SNTG1: variants seen among roughly 807,000 people sequenced by gnomAD.
SNTG1 encodes gamma-1-syntrophin.
Under a neutral mutation model 74.7 loss-of-function variants are expected in SNTG1, and 39 were observed. That is an observed-to-expected ratio of 0.52 (90% confidence interval 0.40 to 0.68). The LOEUF (loss-of-function observed/expected upper bound fraction) is 0.68. SNTG1 is among the 30% of genes least tolerant of loss of function. The pLI is 0.00. For missense variants in SNTG1, 685 were observed against 609.5 expected, an observed-to-expected ratio of 1.12 and a Z score of -1.30; for synonymous variants, 254 against 217.1, an observed-to-expected ratio of 1.17 and a Z score of -1.49.
At chr8:50,155,047 A>G (rs1035389440) in intron 1 of SNTG1, among the ~76,000 whole-genome samples, 1 of 152,248 alleles carries the variant, frequency 6.6e-6, no homozygotes, top group African/African-American at 2.4e-5. Flanking sequence ...TAAAAATTCA[A>G]TTGAAATAAT....
intron 13 of SNTG1, among the ~76,000 whole-genome samples, chr8:50,602,351 A>T (rs2094781241): frequency 6.6e-6 from 1 of 152,306 alleles, no homozygotes; most frequent in East Asian, 1.9e-4. Context: ...ATTTTAAACT[A>T]ATGACAACTT....
intron 18 of SNTG1, among the ~76,000 whole-genome samples, chr8:50,774,900 A>G (rs1422988696): frequency 6.6e-6 from 1 of 151,414 alleles, no homozygotes; most frequent in East Asian, 1.9e-4. Context: ...TTAAAATATT[A>G]TTATATCCCT....
intron 18 of SNTG1, among the ~76,000 whole-genome samples, chr8:50,760,495 T>C (rs2095595301): frequency 6.6e-6 from 1 of 152,002 alleles, no homozygotes; most frequent in Admixed American, 6.6e-5. Context: ...ATAGCTCTTA[T>C]TATTTTGAGA....
chr8:50,696,098 T>C (rs1430986829), intron 15 of SNTG1, among the ~76,000 whole-genome samples: 1 of 152,068 alleles, frequency 6.6e-6, no homozygotes, highest in African/African-American at 2.4e-5. Context: ...TGTATAAGCA[T>C]TTCCTTTTCT....
At chr8:50,630,668 C>T (rs530670398) in intron 13 of SNTG1, among the ~76,000 whole-genome samples, 1 of 152,132 alleles carries the variant, frequency 6.6e-6, no homozygotes, top group Non-Finnish European at 1.5e-5. Context: ...TGTCAGTCAC[C>T]TGCACCTAGA....
intron 16 of SNTG1, chr8:50,707,960 T>C: frequency 2.6e-6 from 1 of 384,164 alleles, no homozygotes; most frequent in Non-Finnish European, 4.6e-6. Flanking sequence ...CCCAGCACTT[T>C]GGGAGGCCGA....
intron 2 of SNTG1, among the ~76,000 whole-genome samples, chr8:50,286,118 G>A (rs1586960866): frequency 9.2e-6 from 1 of 108,308 alleles, no homozygotes; most frequent in Non-Finnish European, 2.5e-5. Context: ...TGACCATTCT[G>A]TTCTGTTTTC....
intron 1 of SNTG1, among the ~76,000 whole-genome samples, chr8:50,147,516 A>G (rs2081913499): frequency 6.6e-6 from 1 of 152,202 alleles, no homozygotes; most frequent in Admixed American, 6.5e-5. Context: ...CTAGGGTTTG[A>G]CAAATAAGTA....
chr8:50,103,141 T>G (rs1414717773), intron 1 of SNTG1, among the ~76,000 whole-genome samples: 1 of 152,196 alleles, frequency 6.6e-6, no homozygotes, highest in Admixed American at 6.5e-5. Context: ...ATCTATAAAT[T>G]ACCTTGGGCC....
intron 15 of SNTG1, among the ~76,000 whole-genome samples, chr8:50,668,331 C>A (rs140742104): frequency 5.0e-4 from 76 of 151,650 alleles, no homozygotes; most frequent in African/African-American, 1.8e-3. Context: ...TTAATTAATT[C>A]TCATGTTTCA....
intron 17 of SNTG1, among the ~76,000 whole-genome samples, chr8:50,714,672 C>T (rs576808515): frequency 1.3e-5 from 2 of 152,056 alleles, no homozygotes; most frequent in East Asian, 3.9e-4. Context: ...AGAGTGTAAC[C>T]TGAGAACAAA....
intron 12 of SNTG1, among the ~76,000 whole-genome samples, chr8:50,567,888 A>G (rs1208372276): frequency 6.6e-6 from 1 of 152,090 alleles, no homozygotes; most frequent in African/African-American, 2.4e-5. Flanking sequence ...CTACATTGAG[A>G]TACACTTTAC....
intron 2 of SNTG1, among the ~76,000 whole-genome samples, chr8:50,244,637 G>A (rs2086310342): frequency 1.3e-5 from 2 of 152,162 alleles, no homozygotes; most frequent in Admixed American, 1.3e-4. Flanking sequence ...AAATTTAGCT[G>A]TTCTGAACAT....
At chr8:50,751,330 T>C (rs2095566859) in intron 17 of SNTG1, among the ~76,000 whole-genome samples, 2 of 152,050 alleles carry the variant, frequency 1.3e-5, no homozygotes, top group Admixed American at 6.6e-5. Flanking sequence ...CCAGGAAATA[T>C]GATTTATGAT....
chr8:50,548,954 G>C (rs148437563), intron 11 of SNTG1, among the ~76,000 whole-genome samples: 1 of 152,072 alleles, frequency 6.6e-6, no homozygotes, highest in African/African-American at 2.4e-5. Context: ...GAGGAACTGC[G>C]GGTCAGAGAG....
chr8:50,704,989 T>A (rs1425913853), intron 16 of SNTG1, among the ~76,000 whole-genome samples: 1 of 152,220 alleles, frequency 6.6e-6, no homozygotes, highest in African/African-American at 2.4e-5. Flanking sequence ...TAAAAATATA[T>A]TTCTAATTTT....
chr8:50,661,344 G>T lies in SNTG1; in HGVS notation c.1038+2681G>T, dbSNP rs576452329. ...ATTCTGAGCTTTGGAAACCCCATGTGGAAAAATATTTTAATGTATTCAAGA... is the reference window on the plus strand; with the variant it reads ...ATTCTGAGCTTTGGAAACCCCATGTTGAAAAATATTTTAATGTATTCAAGA... On this transcript the variant is annotated intron_variant, in intron 15 of 18. Coordinates refer to ENST00000642720, the MANE Select transcript of SNTG1 (RefSeq NM_018967.5). Among the ~76,000 whole-genome samples the T allele has an allele frequency of 3.3e-5, 5 of 152,140 alleles. No homozygotes were observed. In the East Asian group the frequency reaches 9.6e-4, roughly 29 times the overall value.
At chr8:50,487,543 T>A (rs1587791424) in intron 8 of SNTG1, among the ~76,000 whole-genome samples, 1 of 152,178 alleles carries the variant, frequency 6.6e-6, no homozygotes, top group African/African-American at 2.4e-5. Flanking sequence ...TGGAGGGACA[T>A]GGATGAAATT....
At chr8:50,285,738 A>G (rs555181715) in intron 2 of SNTG1, among the ~76,000 whole-genome samples, 12 of 152,008 alleles carry the variant, frequency 7.9e-5, no homozygotes, top group South Asian at 2.1e-4. Context: ...TTTTTCTCCA[A>G]TGGAATTTAC....
Sources: allele counts gnomAD v4.1 joint callset (sites outside exome capture counted in the v4.1 genomes callset), GRCh38; gene constraint gnomAD v4.1.1; transcripts MANE v1.5; gene names NCBI Gene and HGNC (gene_info 2026-07-23, HGNC 2026-07-21).